The following MET variants were observed in gnomAD, a reference collection of about 807,000 sequenced individuals.
MET encodes hepatocyte growth factor receptor.
A neutral mutation model predicts 133.1 loss-of-function variants in MET; 48 were observed. The observed-to-expected ratio is 0.36, with a 90% CI of 0.29 to 0.46. The LOEUF is 0.46. Ranked by LOEUF, MET falls within the 20% of genes least tolerant of loss-of-function variation. MET has a pLI of 1.00. For synonymous variants in MET, 628 were observed against 616.5 expected (o/e 1.02, Z -0.28); for missense variants, 1,442 against 1,695.9 (o/e 0.85, Z 2.63).
chr7:116,755,838 G>T (rs952662891), intron 6 of MET, among the ~76,000 whole-genome samples: 1 of 152,152 alleles, frequency 6.6e-6, no homozygotes, highest in African/African-American at 2.4e-5. Flanking sequence ...TTCATCCTTG[G>T]AGTCTTCAAA....
At chr7:116,673,738 C>T (rs2116425190) in intron 1 of MET, among the ~76,000 whole-genome samples, 1 of 152,328 alleles carries the variant, frequency 6.6e-6, no homozygotes, top group Non-Finnish European at 1.5e-5. Context: ...GCTACAGGGA[C>T]ATAAATTGCA....
rs114977543 is a variant in MET at position 116,676,121 on chromosome 7, T to C, written c.-15+3544T>C. 6.9e-3 allele frequency among the ~76,000 whole-genome samples: 1,054 copies of C among 152,318 alleles called. 14 individuals are homozygous for C. The highest frequency in any genetic ancestry group is 0.024 in the African/African-American group (998 of 41,566). On this transcript the variant is annotated intron_variant, in intron 1 of 20. Coordinates refer to ENST00000397752, the MANE Select transcript of MET (RefSeq NM_000245.4). ...GTATGAGCTCAGTGAAATAAAAAAGTTAACTTTGTAATCACATACCCAGGT... is the reference window on the plus strand; with the variant it reads ...GTATGAGCTCAGTGAAATAAAAAAGCTAACTTTGTAATCACATACCCAGGT...
chr7:116,789,166 C>G (rs1795407595), intron 19 of MET, among the ~76,000 whole-genome samples: 1 of 152,080 alleles, frequency 6.6e-6, no homozygotes, highest in African/African-American at 2.4e-5. Context: ...AGGTTGTTTT[C>G]TTTATCCTCA....
intron 6 of MET, among the ~76,000 whole-genome samples, chr7:116,757,154 G>C (rs1424746837): frequency 2.6e-5 from 4 of 152,184 alleles, no homozygotes; most frequent in East Asian, 3.9e-4. Flanking sequence ...GATCCCTTGA[G>C]CCCAGGAGTT....
At chr7:116,782,241 C>A in intron 18 of MET, 144 bp downstream of exon 18, 1 of 706,238 alleles carries the variant, frequency 1.4e-6, no homozygotes, top group Non-Finnish European at 2.5e-6. Context: ...GATGTGTAAG[C>A]CCTGGGGATG....
At chr7:116,771,428 T>C (rs2116990598) in intron 12 of MET, 70 bp from the exon 13 acceptor site, 1 of 1,586,552 alleles carries the variant, frequency 6.3e-7, no homozygotes, top group Non-Finnish European at 8.6e-7. Context: ...GGACCCAAAG[T>C]GCTACAACCT....
chr7:116,769,178 A>G (rs1366983833), intron 11 of MET, among the ~76,000 whole-genome samples: 1 of 152,242 alleles, frequency 6.6e-6, no homozygotes, highest in African/African-American at 2.4e-5. Context: ...AGATCTCTGG[A>G]GATGAGACCC....
chr7:116,795,316 TATTGGAAAA>T (rs1173022438), intron 19 of MET, among the ~76,000 whole-genome samples: 1 of 152,196 alleles, frequency 6.6e-6, no homozygotes, highest in African/African-American at 2.4e-5. Flanking sequence ...GTAGTGAAGC[TATTGGAAAA>T]GAAAAGGATA....
At chr7:116,794,397 C>G (rs1795608644) in intron 19 of MET, among the ~76,000 whole-genome samples, 1 of 152,204 alleles carries the variant, frequency 6.6e-6, no homozygotes, top group Admixed American at 6.5e-5. Context: ...CTGAATTAGA[C>G]AGCAAAGTTC....
chr7:116,715,349 G>A (rs1393020819), intron 2 of MET, among the ~76,000 whole-genome samples: 1 of 152,170 alleles, frequency 6.6e-6, no homozygotes, highest in African/African-American at 2.4e-5. Context: ...CAATTCTGGT[G>A]TCCCAGGCAT....
chr7:116,790,091 C>G (rs1024971214), intron 19 of MET, among the ~76,000 whole-genome samples: 1 of 152,210 alleles, frequency 6.6e-6, no homozygotes, highest in African/African-American at 2.4e-5. Flanking sequence ...CTAAGGATAA[C>G]AGCTTCCAGC....
chr7:116,724,604 T>G (rs1309099009), intron 2 of MET, among the ~76,000 whole-genome samples: 1 of 152,222 alleles, frequency 6.6e-6, no homozygotes, highest in African/African-American at 2.4e-5. Context: ...TTTACTCATT[T>G]GGTCACCTAA....
chr7:116,709,014 T>C (rs1791897669), intron 2 of MET, among the ~76,000 whole-genome samples: 1 of 152,180 alleles, frequency 6.6e-6, no homozygotes, highest in South Asian at 2.1e-4. Context: ...CTCTGCACAA[T>C]TGCATCCATT....
At chr7:116,710,009 T>A (rs1001529661) in intron 2 of MET, among the ~76,000 whole-genome samples, 1 of 152,160 alleles carries the variant, frequency 6.6e-6, no homozygotes, top group African/African-American at 2.4e-5. Context: ...GGCTCCAACA[T>A]CATGGTAAAC....
At chr7:116,674,426 A>G (rs936431047) in intron 1 of MET, among the ~76,000 whole-genome samples, 1 of 143,118 alleles carries the variant, frequency 7.0e-6, no homozygotes. Flanking sequence ...TGAAATCTTT[A>G]AAAAAAAATT....
chr7:116,714,745 GCACACA>G (rs142954535), intron 2 of MET, among the ~76,000 whole-genome samples: 25 of 145,110 alleles, frequency 1.7e-4, no homozygotes, highest in South Asian at 6.7e-4. Flanking sequence ...TCACATGCAC[GCACACA>G]CACACACACA....
chr7:116,791,776 T>C (rs535685294), intron 19 of MET, among the ~76,000 whole-genome samples: 2 of 152,322 alleles, frequency 1.3e-5, no homozygotes, highest in African/African-American at 2.4e-5. Context: ...GTGATTCTTT[T>C]ACCTCAGCCT....
chr7:116,796,265 A>G lies in MET; in HGVS notation c.*141A>G. 2.5e-6 allele frequency: 2 copies of G among 799,748 alleles called. No homozygotes were observed. The highest frequency in any genetic ancestry group is 3.0e-5 in the South Asian group (2 of 66,552). The allele number at this position is 799,748 out of a possible 1,614,324, so 49.5% of individuals were successfully genotyped here. Reference sequence around the variant, plus strand: ...CTTGTATTGTTATTTAAATTACTGGATTCTAAGGAATTTCTTATCTGACAG... The same window carrying G: ...CTTGTATTGTTATTTAAATTACTGGGTTCTAAGGAATTTCTTATCTGACAG... On this transcript the variant is annotated 3_prime_UTR_variant, in exon 21 of 21. Transcript: ENST00000397752.
At chr7:116,711,247 C>T (rs951536797) in intron 2 of MET, among the ~76,000 whole-genome samples, 1 of 152,162 alleles carries the variant, frequency 6.6e-6, no homozygotes, top group Non-Finnish European at 1.5e-5. Flanking sequence ...TCAACCTGAA[C>T]GTAGTTCCCC....
Sources: gnomAD v4.1 joint callset for allele counts (sites outside exome capture counted in the v4.1 genomes callset) on GRCh38, gnomAD v4.1.1 for gene constraint, MANE v1.5 for transcripts, NCBI Gene and HGNC (gene_info 2026-07-23, HGNC 2026-07-21) for gene names.